The following HBS1L variants were observed in gnomAD, a reference collection of about 807,000 sequenced individuals.
HBS1L encodes the protein HBS1-like protein.
A neutral mutation model predicts 88.9 loss-of-function variants in HBS1L; 55 were observed. That is an observed-to-expected ratio of 0.62 (90% CI 0.50 to 0.77). The LOEUF is 0.77. Ranked by LOEUF, HBS1L falls within the 30% of genes least tolerant of loss-of-function variation. The probability of loss-of-function intolerance (pLI) is 0.00; values close to 1 mark genes in which losing one functional copy is unlikely to be tolerated. For synonymous variants in HBS1L, 267 were observed against 288.5 expected (o/e 0.93, Z 0.76); for missense variants, 741 against 829.3 (o/e 0.89, Z 1.31).
intron 4 of HBS1L, among the ~76,000 whole-genome samples, chr6:135,025,170 AAGAG>A (rs1187371283): frequency 6.6e-6 from 1 of 152,218 alleles, no homozygotes; most frequent in Non-Finnish European, 1.5e-5. Context: ...ATTTTCCCGA[AAGAG>A]AGCAAGAAAA....
intron 4 of HBS1L, among the ~76,000 whole-genome samples, chr6:135,006,711 C>T (rs980174060): frequency 6.6e-6 from 1 of 151,896 alleles, no homozygotes; most frequent in Non-Finnish European, 1.5e-5. Context: ...AAAAGCAGTT[C>T]CTGAAGTTAC....
At chr6:135,016,712 T>A (rs1293365408) in intron 4 of HBS1L, among the ~76,000 whole-genome samples, 2 of 152,238 alleles carry the variant, frequency 1.3e-5, no homozygotes, top group Admixed American at 1.3e-4. Context: ...TATAGTGCCT[T>A]ACCTCTTCAA....
At chr6:134,987,022 G>T (rs904690473) in intron 9 of HBS1L, among the ~76,000 whole-genome samples, 7 of 152,050 alleles carry the variant, frequency 4.6e-5, no homozygotes, top group Non-Finnish European at 1.0e-4. Context: ...GGTTCAGCAA[G>T]TCTTAAAACG....
intron 4 of HBS1L, among the ~76,000 whole-genome samples, chr6:135,006,228 A>G (rs182189346): frequency 2.6e-5 from 4 of 152,362 alleles, no homozygotes; most frequent in African/African-American, 9.6e-5. Context: ...TAACAAAGGA[A>G]GAGTCCTGAT....
In HBS1L at chr6:134,969,219, T is replaced by A; in HGVS notation, c.1898+19A>T. On this transcript the variant is annotated intron_variant, in intron 16 of 17. Coordinates refer to ENST00000367837, the MANE Select transcript of HBS1L (RefSeq NM_006620.4). ...TGGCTTAAATTGCTTGTTTATCATT[T>A]CTGTATTAAAACACTCACTTAGGCT... 7 of 1,507,676 alleles carry A rather than the reference T, an allele frequency of 4.6e-6. No individual in the cohort carries two copies. The highest frequency in any genetic ancestry group is 6.5e-6 in the Non-Finnish European group (7 of 1,084,214). The allele number at this position is 1,507,676 out of a possible 1,614,324, so 93.4% of individuals were successfully genotyped here. A position where few individuals can be genotyped will look rare whatever the true frequency, so the allele number is the denominator to read the frequency against.
chr6:135,005,239 T>C (rs1220157270), intron 4 of HBS1L, among the ~76,000 whole-genome samples: 1 of 152,262 alleles, frequency 6.6e-6, no homozygotes, highest in East Asian at 1.9e-4. Context: ...CTCTCAGCTA[T>C]AATTTCAAAA....
At chr6:135,046,676 T>C (rs760198052) in intron 2 of HBS1L, among the ~76,000 whole-genome samples, 4 of 152,278 alleles carry the variant, frequency 2.6e-5, no homozygotes, top group African/African-American at 4.8e-5. Flanking sequence ...CTGGGCAGCA[T>C]AGTGAGACCA....
intron 2 of HBS1L, 146 bp from the exon 3 acceptor site, chr6:135,042,272 C>G: frequency 1.7e-6 from 1 of 585,742 alleles, no homozygotes. Context: ...AAAACAATAT[C>G]ATATCAAAAC....
At chr6:134,967,488 C>A (rs936267725) in intron 16 of HBS1L, among the ~76,000 whole-genome samples, 1 of 152,126 alleles carries the variant, frequency 6.6e-6, no homozygotes, top group Non-Finnish European at 1.5e-5. Flanking sequence ...GAGCCTACAA[C>A]GTGCCTGAAC....
At position 135,039,633 on chromosome 6, in the gene HBS1L, T is replaced by C; in HGVS notation, c.370A>G (p.Arg124Gly). The C allele has an allele frequency of 1.9e-6, 3 of 1,614,188 alleles. No individual in the cohort carries two copies. The South Asian group carries it at 3.3e-5, about 18-fold the overall frequency. The stretch of plus-strand genomic sequence containing the variant: ...TTCTTGTCCTTCAAACTCTGCACTC[T>C]ATCTTGTTCCAGAACCCCTGACAAA... ...KALSGVLEQDRVQSLKDKNEA... is the reference protein window; with the variant it reads ...KALSGVLEQDGVQSLKDKNEA... Residue 124 changes from arginine (R) to glycine (G), a missense_variant, in exon 4 of 18, where the codon AGA becomes GGA. Transcript: ENST00000367837.
chr6:135,012,925 G>A (rs1000874593), intron 4 of HBS1L, among the ~76,000 whole-genome samples: 1 of 152,200 alleles, frequency 6.6e-6, no homozygotes, highest in African/African-American at 2.4e-5. Flanking sequence ...GATTTACTGA[G>A]AGCCTCTGAG....
intron 4 of HBS1L, among the ~76,000 whole-genome samples, chr6:135,013,864 T>C (rs1390866106): frequency 6.6e-6 from 1 of 152,204 alleles, no homozygotes; most frequent in Non-Finnish European, 1.5e-5. Context: ...TCTAGATTAC[T>C]TATAATCTAG....
intron 13 of HBS1L, among the ~76,000 whole-genome samples, chr6:134,979,744 C>T (rs918242101): frequency 6.6e-6 from 1 of 152,020 alleles, no homozygotes; most frequent in African/African-American, 2.4e-5. Flanking sequence ...TTCCAAGTAA[C>T]CCATGGGACA....
chr6:135,046,258 T>C (rs866984139), intron 2 of HBS1L, among the ~76,000 whole-genome samples: 7 of 152,154 alleles, frequency 4.6e-5, no homozygotes, highest in African/African-American at 1.7e-4. Context: ...GTTATTTTCT[T>C]TACCCACAGT....
intron 15 of HBS1L, among the ~76,000 whole-genome samples, chr6:134,977,515 G>A (rs1157928041): frequency 2.0e-5 from 3 of 151,866 alleles, no homozygotes; most frequent in African/African-American, 7.2e-5. Flanking sequence ...CTTTTCTAGT[G>A]TATGGAAGAA....
At chr6:134,993,909 A>AT in intron 7 of HBS1L, 34 bp from the exon 8 acceptor site, 1 of 996,728 alleles carries the variant, frequency 1.0e-6, no homozygotes, top group Non-Finnish European at 1.6e-6. Flanking sequence ...AGAATGTACG[A>AT]TATAAATAGT....
chr6:135,020,501 G>A, intron 4 of HBS1L, among the ~76,000 whole-genome samples: 1 of 151,918 alleles, frequency 6.6e-6, no homozygotes, highest in Non-Finnish European at 1.5e-5. Context: ...ACAGGCCCAA[G>A]AAAAACTGCA....
intron 4 of HBS1L, among the ~76,000 whole-genome samples, chr6:135,029,907 T>C (rs1583136627): frequency 6.6e-6 from 1 of 152,246 alleles, no homozygotes; most frequent in Non-Finnish European, 1.5e-5. Context: ...TATAAAAATG[T>C]ATACGTACAT....
intron 3 of HBS1L, 141 bp downstream of exon 3, chr6:135,041,860 T>TA: frequency 1.5e-6 from 1 of 662,208 alleles, no homozygotes; most frequent in Admixed American, 3.1e-5. Context: ...TAATAAAACA[T>TA]AAACTGTCCT....
Sources: gnomAD v4.1 joint callset for allele counts (sites outside exome capture counted in the v4.1 genomes callset) on GRCh38, gnomAD v4.1.1 for gene constraint, MANE v1.5 for transcripts, NCBI Gene and HGNC (gene_info 2026-07-23, HGNC 2026-07-21) for gene names.